CADPS2: variants seen among roughly 807,000 people sequenced by gnomAD.
CADPS2 encodes calcium dependent secretion activator 2.
Under a neutral mutation model 172.5 loss-of-function variants are expected in CADPS2, and 93 were observed. The observed-to-expected ratio is 0.54, with a 90% confidence interval of 0.46 to 0.64. The LOEUF (loss-of-function observed/expected upper bound fraction) is 0.64. Ranked by LOEUF, CADPS2 falls within the 30% of genes least tolerant of loss-of-function variation. The pLI is 0.00. For missense variants in CADPS2, 1,420 were observed against 1,565.9 expected (o/e 0.91, Z 1.57); for synonymous variants, 546 against 555.2 (o/e 0.98, Z 0.23).
intron 19 of CADPS2, among the ~76,000 whole-genome samples, chr7:122,410,174 T>C (rs1172612153): frequency 6.6e-6 from 1 of 151,856 alleles, no homozygotes; most frequent in Non-Finnish European, 1.5e-5. Context: ...GGAAACCCCG[T>C]CTCTACTAAA....
chr7:122,852,978 A>C (rs542137080), intron 1 of CADPS2, among the ~76,000 whole-genome samples: 1 of 152,326 alleles, frequency 6.6e-6, no homozygotes, highest in East Asian at 1.9e-4. Context: ...ACCATAAAAA[A>C]ATCTAAAATG....
rs145474556 is a variant in CADPS2, at chr7:122,323,344, T to C, written c.3717+2133A>G. Among the ~76,000 whole-genome samples the C allele has an allele frequency of 1.0e-3, 154 of 152,202 alleles. 1 individual carries two copies. In the East Asian group the frequency reaches 0.024, roughly 23 times the overall value. On this transcript the variant is annotated intron_variant, in intron 29 of 29. Coordinates refer to ENST00000449022, the MANE Select transcript of CADPS2 (RefSeq NM_017954.11). ...ATTAATTTCATATTTATTGGTCAAA[T>C]ATTGATCATTAGGAAGAATATATTA... is the stretch of plus-strand genomic sequence containing the variant.
chr7:122,878,782 G>C (rs1822044287), intron 1 of CADPS2, among the ~76,000 whole-genome samples: 1 of 151,978 alleles, frequency 6.6e-6, no homozygotes, highest in African/African-American at 2.4e-5. Context: ...TTGAACATTA[G>C]CCCACAAGGG....
At chr7:122,698,962 A>G (rs753933818) in intron 2 of CADPS2, 7 of 1,285,086 alleles carry the variant, frequency 5.4e-6, no homozygotes, top group Middle Eastern at 1.9e-4. Flanking sequence ...TAACAGTTGC[A>G]CATCTGTTGA....
chr7:122,792,004 T>C (rs572287008), intron 1 of CADPS2, among the ~76,000 whole-genome samples: 1 of 152,272 alleles, frequency 6.6e-6, no homozygotes, highest in East Asian at 1.9e-4. Flanking sequence ...AATTCCCAGA[T>C]AGCCCATTTG....
chr7:122,876,762 T>C (rs929072056), intron 1 of CADPS2, among the ~76,000 whole-genome samples: 6 of 152,144 alleles, frequency 3.9e-5, no homozygotes, highest in African/African-American at 1.4e-4. Flanking sequence ...AAAAATTATG[T>C]TATATCTGAA....
intron 1 of CADPS2, among the ~76,000 whole-genome samples, chr7:122,877,870 T>C (rs1821632283): frequency 6.6e-6 from 1 of 152,196 alleles, no homozygotes; most frequent in Admixed American, 6.5e-5. Flanking sequence ...ATCAACATTT[T>C]ACTGAAGGAG....
intron 13 of CADPS2, 58 bp downstream of exon 13, chr7:122,474,323 T>C (rs762689653): frequency 1.4e-4 from 221 of 1,524,874 alleles, no homozygotes; most frequent in Non-Finnish European, 1.8e-4. Context: ...TTCCAACTTA[T>C]AGGGGATCTA....
chr7:122,426,233 T>C (rs2049157482), intron 17 of CADPS2: 1 of 152,248 alleles, frequency 6.6e-6, no homozygotes, highest in African/African-American at 2.4e-5. Flanking sequence ...TTTCCTTTGA[T>C]ACATAATCAA....
intron 1 of CADPS2, among the ~76,000 whole-genome samples, chr7:122,804,117 T>C (rs1798291453): frequency 6.6e-6 from 1 of 152,154 alleles, no homozygotes; most frequent in Admixed American, 6.5e-5. Context: ...CTGACTGACC[T>C]GCACTCTAGT....
chr7:122,659,759 G>C (rs552445308), intron 3 of CADPS2, among the ~76,000 whole-genome samples: 1 of 152,046 alleles, frequency 6.6e-6, no homozygotes, highest in Non-Finnish European at 1.5e-5. Flanking sequence ...AAGCCATAAG[G>C]GGGAAAATAA....
chr7:122,575,261 C>G (rs185151288), intron 7 of CADPS2, among the ~76,000 whole-genome samples: 4 of 151,856 alleles, frequency 2.6e-5, no homozygotes, highest in African/African-American at 7.2e-5. Context: ...ATCCTGGATT[C>G]TATCCTAGAC....
chr7:122,670,258 A>G lies in CADPS2; in HGVS notation c.454-6689T>C, dbSNP rs898960011. ...TTGGTCTTCCACCAAAATCGTCACCATGGCCTCTGAGGTCCCACTTCAAAA... is the reference window on the plus strand; with the variant it reads ...TTGGTCTTCCACCAAAATCGTCACCGTGGCCTCTGAGGTCCCACTTCAAAA... On this transcript the variant is annotated intron_variant, in intron 2 of 29. Transcript: ENST00000449022. 7.9e-5 allele frequency among the ~76,000 whole-genome samples: 12 copies of G among 152,172 alleles called. No homozygotes were observed. The East Asian group carries it at 1.6e-3, about 20-fold the overall frequency.
At chr7:122,384,972 T>A (rs1231175426) in intron 24 of CADPS2, among the ~76,000 whole-genome samples, 2 of 152,052 alleles carry the variant, frequency 1.3e-5, no homozygotes, top group Admixed American at 1.3e-4. Context: ...TACTGCAGTG[T>A]ATGTTAAAAT....
chr7:122,718,835 GAATTAATCTGTTTCTTAGAA>G lies in CADPS2; in HGVS notation c.453+18100_453+18119del, dbSNP rs2090011824. ...GGGATAACAGAGAACAGATACAATG[GAATTAATCTGTTTCTTAGAA>G]AGAATGTGCCCAACAATCAATGGTC... is the stretch of plus-strand genomic sequence containing the variant. On this transcript the variant is annotated intron_variant, in intron 2 of 29. Coordinates refer to ENST00000449022, the MANE Select transcript of CADPS2 (RefSeq NM_017954.11). 2.0e-5 allele frequency among the ~76,000 whole-genome samples: 3 copies of G among 152,228 alleles called. No individual in the cohort carries two copies. The South Asian group carries it at 6.2e-4, about 32-fold the overall frequency.
intron 6 of CADPS2, among the ~76,000 whole-genome samples, chr7:122,606,666 T>C (rs2073593102): frequency 6.6e-6 from 1 of 152,126 alleles, no homozygotes; most frequent in Non-Finnish European, 1.5e-5. Flanking sequence ...CTTTTTTTAA[T>C]ACTCTAAATA....
intron 1 of CADPS2, among the ~76,000 whole-genome samples, chr7:122,871,057 T>C (rs1819613301): frequency 6.6e-6 from 1 of 151,922 alleles, no homozygotes; most frequent in Non-Finnish European, 1.5e-5. Context: ...TACAGCAATT[T>C]AGAAAGGACA....
intron 28 of CADPS2, among the ~76,000 whole-genome samples, chr7:122,332,701 A>T (rs998861009): frequency 2.6e-5 from 4 of 152,186 alleles, no homozygotes; most frequent in Non-Finnish European, 5.9e-5. Flanking sequence ...GATGAATTAG[A>T]TCCTCTTCAG....
At chr7:122,642,962 T>C (rs781561943) in intron 3 of CADPS2, among the ~76,000 whole-genome samples, 23 of 152,326 alleles carry the variant, frequency 1.5e-4, no homozygotes, top group Non-Finnish European at 3.1e-4. Context: ...TATCCTTTAT[T>C]GTGAAAATAT....
Sources: allele counts gnomAD v4.1 joint callset (sites outside exome capture counted in the v4.1 genomes callset), GRCh38; gene constraint gnomAD v4.1.1; transcripts MANE v1.5; gene names NCBI Gene and HGNC (gene_info 2026-07-23, HGNC 2026-07-21).